IGF2BP2: variants seen among roughly 807,000 people sequenced by gnomAD.
IGF2BP2 encodes insulin-like growth factor 2 mRNA-binding protein 2.
Under a neutral mutation model 75.8 loss-of-function variants are expected in IGF2BP2, and 17 were observed. That is an observed-to-expected ratio of 0.22 (90% CI 0.15 to 0.34). The LOEUF is 0.34. Ranked by LOEUF, IGF2BP2 falls within the 10% of genes least tolerant of loss-of-function variation. The pLI, the probability that IGF2BP2 is intolerant of heterozygous loss-of-function variation, is 1.00. For synonymous variants in IGF2BP2, 288 were observed against 295.6 expected, an observed-to-expected ratio of 0.97 and a Z score of 0.26; for missense variants, 516 against 772.4, an observed-to-expected ratio of 0.67 and a Z score of 3.93.
intron 2 of IGF2BP2, among the ~76,000 whole-genome samples, chr3:185,742,907 T>G (rs985139128): frequency 1.8e-4 from 27 of 152,150 alleles, no homozygotes; most frequent in African/African-American, 6.3e-4. Flanking sequence ...GAGACCAGCC[T>G]GGCCAATATG....
chr3:185,692,506 G>T (rs1482784693), intron 5 of IGF2BP2, among the ~76,000 whole-genome samples, 193 bp downstream of exon 5: 1 of 152,160 alleles, frequency 6.6e-6, no homozygotes, highest in Non-Finnish European at 1.5e-5. Flanking sequence ...AAGATGGCAG[G>T]AACACCCTGG....
chr3:185,695,891 G>A (rs1722514476), intron 4 of IGF2BP2, among the ~76,000 whole-genome samples: 1 of 152,148 alleles, frequency 6.6e-6, no homozygotes, highest in Non-Finnish European at 1.5e-5. Flanking sequence ...AGGCTCAAGC[G>A]ATTCTCGTGC....
At chr3:185,689,997 C>T (rs994636613) in intron 5 of IGF2BP2, among the ~76,000 whole-genome samples, 15 of 151,860 alleles carry the variant, frequency 9.9e-5, no homozygotes, top group African/African-American at 1.9e-4. Flanking sequence ...AAGACCCTCC[C>T]GCAAGACTGG....
chr3:185,816,002 C>CCACA (rs1216504236), intron 2 of IGF2BP2, among the ~76,000 whole-genome samples: 2 of 152,226 alleles, frequency 1.3e-5, no homozygotes, highest in East Asian at 3.9e-4. Context: ...CAGAAAGTGA[C>CCACA]GTAGAGAAAG....
chr3:185,768,506 A>G (rs1733402670), intron 2 of IGF2BP2, among the ~76,000 whole-genome samples: 1 of 152,224 alleles, frequency 6.6e-6, no homozygotes, highest in Admixed American at 6.5e-5. Flanking sequence ...GTATTTTTAA[A>G]AGGTCCTTTA....
intron 2 of IGF2BP2, among the ~76,000 whole-genome samples, chr3:185,782,984 C>T (rs1400147119): frequency 6.6e-6 from 1 of 152,168 alleles, no homozygotes; most frequent in African/African-American, 2.4e-5. Flanking sequence ...AGCTGTGGGC[C>T]TTGTGTTATC....
chr3:185,768,969 G>A (rs1468712888), intron 2 of IGF2BP2, among the ~76,000 whole-genome samples: 1 of 152,222 alleles, frequency 6.6e-6, no homozygotes, highest in Non-Finnish European at 1.5e-5. Context: ...GGAGATTGCA[G>A]TGAGCTGAGA....
rs1733120174 is a variant in IGF2BP2, at chr3:185,766,699, ACT to A, written c.239+56452_239+56453del. On this transcript the variant is annotated intron_variant, in intron 2 of 15. Transcript: ENST00000382199. ...GAGACAAACCTGGGTTGTGAAAAAT[ACT>A]TTTTACTGATTTCATTTAATACTTT... 3.3e-5 allele frequency among the ~76,000 whole-genome samples: 5 copies of A among 152,342 alleles called. No individual in the cohort carries two copies. In the South Asian group the frequency reaches 8.3e-4, roughly 25 times the overall value.
chr3:185,691,761 G>T (rs958639213), intron 5 of IGF2BP2, among the ~76,000 whole-genome samples: 1 of 152,090 alleles, frequency 6.6e-6, no homozygotes, highest in African/African-American at 2.4e-5. Context: ...GAGAGGCAGG[G>T]TCTTGCTCTG....
chr3:185,755,289 A>G (rs1487457339), intron 2 of IGF2BP2, among the ~76,000 whole-genome samples: 1 of 152,230 alleles, frequency 6.6e-6, no homozygotes, highest in Non-Finnish European at 1.5e-5. Context: ...GCTGCTTTGG[A>G]GAGTGCAAGA....
At chr3:185,673,105 T>A (rs1248606093) in intron 9 of IGF2BP2, among the ~76,000 whole-genome samples, 1 of 152,338 alleles carries the variant, frequency 6.6e-6, no homozygotes, top group African/African-American at 2.4e-5. Flanking sequence ...TTACCCCTCA[T>A]GCAGGAAGCT....
intron 2 of IGF2BP2, among the ~76,000 whole-genome samples, chr3:185,768,761 G>A (rs189223022): frequency 6.6e-6 from 1 of 152,316 alleles, no homozygotes; most frequent in Admixed American, 6.5e-5. Flanking sequence ...CAGGCGTGGT[G>A]GCTTTTACGC....
At chr3:185,664,201 G>A (rs1290806224) in intron 10 of IGF2BP2, among the ~76,000 whole-genome samples, 3 of 152,190 alleles carry the variant, frequency 2.0e-5, no homozygotes, top group Non-Finnish European at 4.4e-5. Context: ...AGGAACTCGT[G>A]AGCCAGCAAG....
chr3:185,798,908 C>G (rs1198481740), intron 2 of IGF2BP2, among the ~76,000 whole-genome samples: 1 of 151,332 alleles, frequency 6.6e-6, no homozygotes, highest in Non-Finnish European at 1.5e-5. Context: ...TTACAAGTAG[C>G]TGAGACTACA....
chr3:185,681,160 T>C (rs1720329449), intron 7 of IGF2BP2, among the ~76,000 whole-genome samples: 1 of 152,192 alleles, frequency 6.6e-6, no homozygotes, highest in South Asian at 2.1e-4. Context: ...TGATCTCTAT[T>C]CACAGATGAC....
chr3:185,732,136 G>A (rs1226399003), intron 2 of IGF2BP2, among the ~76,000 whole-genome samples: 6 of 152,026 alleles, frequency 3.9e-5, no homozygotes, highest in African/African-American at 7.2e-5. Context: ...CTCTGCCCCC[G>A]GGAACCCTGT....
At chr3:185,688,827 T>C (rs1475871044) in intron 6 of IGF2BP2, among the ~76,000 whole-genome samples, 1 of 152,190 alleles carries the variant, frequency 6.6e-6, no homozygotes, top group Non-Finnish European at 1.5e-5. Context: ...AATCAACAAT[T>C]CCATAAGACG....
chr3:185,648,098 G>A (rs770520601), intron 14 of IGF2BP2, among the ~76,000 whole-genome samples: 6 of 152,188 alleles, frequency 3.9e-5, no homozygotes, highest in Admixed American at 6.5e-5. Context: ...TCGTTCTTTC[G>A]TATAAAGCTG....
At chr3:185,775,553 G>C (rs1445136195) in intron 2 of IGF2BP2, among the ~76,000 whole-genome samples, 1 of 152,188 alleles carries the variant, frequency 6.6e-6, no homozygotes, top group Non-Finnish European at 1.5e-5. Flanking sequence ...GAATGATCCA[G>C]AGCAAGGAGA....
Sources: allele counts gnomAD v4.1 joint callset (sites outside exome capture counted in the v4.1 genomes callset), GRCh38; gene constraint gnomAD v4.1.1; transcripts MANE v1.5; gene names NCBI Gene and HGNC (gene_info 2026-07-23, HGNC 2026-07-21).